The following XKR6 variants were observed in gnomAD, a reference collection of about 807,000 sequenced individuals.
XKR6 encodes XK related 6.
XKR6 carries 22 observed loss-of-function variants against 56.7 expected under a neutral mutation model. That is an observed-to-expected ratio of 0.39 (90% CI 0.28 to 0.55). XKR6 has a LOEUF of 0.55. Among genes scored for constraint, XKR6 ranks in the 20% least tolerant of loss-of-function variants. XKR6 has a pLI of 0.66. For missense variants in XKR6, 852 were observed against 889.0 expected, an observed-to-expected ratio of 0.96 and a Z score of 0.53; for synonymous variants, 524 against 387.8, an observed-to-expected ratio of 1.35 and a Z score of -4.13.
chr8:11,003,970 C>T (rs1434621853), intron 1 of XKR6, among the ~76,000 whole-genome samples: 1 of 152,082 alleles, frequency 6.6e-6, no homozygotes, highest in Non-Finnish European at 1.5e-5. Context: ...GGTGCAAAAG[C>T]AGAGAGTGGC....
intron 1 of XKR6, among the ~76,000 whole-genome samples, chr8:11,114,551 G>T (rs1482323842): frequency 1.3e-5 from 2 of 152,168 alleles, no homozygotes; most frequent in African/African-American, 4.8e-5. Flanking sequence ...AGTAGACACA[G>T]GGTTTCACCA....
chr8:11,188,202 C>G (rs527958450), intron 1 of XKR6, among the ~76,000 whole-genome samples: 2 of 152,272 alleles, frequency 1.3e-5, no homozygotes, highest in African/African-American at 4.8e-5. Flanking sequence ...AGACCCCATC[C>G]AAAACCAGGT....
chr8:10,947,659 T>C (rs922757775), intron 1 of XKR6, among the ~76,000 whole-genome samples: 1 of 152,172 alleles, frequency 6.6e-6, no homozygotes, highest in African/African-American at 2.4e-5. Context: ...GCAAAGGTGA[T>C]CTTTCATTCA....
chr8:10,905,315 C>T (rs532182742), intron 2 of XKR6, among the ~76,000 whole-genome samples: 42 of 152,350 alleles, frequency 2.8e-4, no homozygotes, highest in African/African-American at 1.0e-3. Flanking sequence ...TGCTTCTCCT[C>T]CTGGCTCTGT....
At chr8:11,028,446 A>C (rs1337777537) in intron 1 of XKR6, among the ~76,000 whole-genome samples, 1 of 152,240 alleles carries the variant, frequency 6.6e-6, no homozygotes, top group African/African-American at 2.4e-5. Flanking sequence ...ATAATTTTCA[A>C]TTCCTTTGGG....
chr8:11,098,082 G>C (rs997041618), intron 1 of XKR6, among the ~76,000 whole-genome samples: 1 of 152,116 alleles, frequency 6.6e-6, no homozygotes, highest in Non-Finnish European at 1.5e-5. Context: ...AGCCTTGCTA[G>C]GCTCTGCAGT....
chr8:11,076,607 G>A (rs1333126478), intron 1 of XKR6, among the ~76,000 whole-genome samples: 1 of 152,152 alleles, frequency 6.6e-6, no homozygotes, highest in Non-Finnish European at 1.5e-5. Flanking sequence ...ATAAATTGAT[G>A]CCAATACCTA....
At chr8:11,097,482 TTA>T (rs140831617) in intron 1 of XKR6, among the ~76,000 whole-genome samples, 38,611 of 145,300 alleles carry the variant, frequency 0.27, 5,914 homozygotes, top group Non-Finnish European at 0.36. Flanking sequence ...CTTTTTTTTT[TTA>T]AAAAAAAAAA....
Position 10,984,679 on chromosome 8 carries a change from A to T in XKR6, c.765-59849T>A, listed in dbSNP as rs1256939958. On this transcript the variant is annotated intron_variant, in intron 1 of 2. Coordinates refer to ENST00000416569, the MANE Select transcript of XKR6 (RefSeq NM_173683.4). Reference sequence around the variant, plus strand: ...AACAACATTTTTTAAAAGTAACACAAAAGATAAAATACATGGCTCTCTCTC... The same window carrying T: ...AACAACATTTTTTAAAAGTAACACATAAGATAAAATACATGGCTCTCTCTC... Among the ~76,000 whole-genome samples, 4 of 142,636 alleles carry T rather than the reference A, an allele frequency of 2.8e-5. No individual in the cohort carries two copies. The Admixed American group carries it at 2.8e-4, about 10-fold the overall frequency. The allele number at this position is 142,636 out of a possible 152,430, so 93.6% of individuals were successfully genotyped here. A position where few individuals can be genotyped will look rare whatever the true frequency, so the allele number is the denominator to read the frequency against.
intron 2 of XKR6, among the ~76,000 whole-genome samples, chr8:10,915,647 G>A (rs779399801): frequency 6.6e-6 from 1 of 152,204 alleles, no homozygotes. Flanking sequence ...AAAAATTCTT[G>A]CAAACTCCAT....
intron 1 of XKR6, among the ~76,000 whole-genome samples, chr8:11,190,095 T>C (rs549713025): frequency 7.2e-4 from 108 of 151,042 alleles, no homozygotes; most frequent in African/African-American, 2.6e-3. Context: ...AGGCAGAGGT[T>C]GCAGTGAGCC....
chr8:11,117,563 A>G (rs1035665529), intron 1 of XKR6, among the ~76,000 whole-genome samples: 2 of 152,236 alleles, frequency 1.3e-5, no homozygotes, highest in Non-Finnish European at 2.9e-5. Context: ...CAGAAATGTC[A>G]CATTTAATCT....
At chr8:10,921,933 G>A (rs181695298) in intron 2 of XKR6, among the ~76,000 whole-genome samples, 2 of 152,326 alleles carry the variant, frequency 1.3e-5, no homozygotes, top group East Asian at 3.9e-4. Context: ...CCTTTGAGAG[G>A]TGATCAGGCC....
chr8:11,192,228 G>T (rs1282593254), intron 1 of XKR6, among the ~76,000 whole-genome samples: 1 of 151,898 alleles, frequency 6.6e-6, no homozygotes, highest in Non-Finnish European at 1.5e-5. Flanking sequence ...GCACGATCTG[G>T]GCTCACTGCA....
At chr8:10,974,148 G>A (rs530561372) in intron 1 of XKR6, among the ~76,000 whole-genome samples, 1 of 152,332 alleles carries the variant, frequency 6.6e-6, no homozygotes, top group South Asian at 2.1e-4. Context: ...GGGAGGAAGA[G>A]TAAGTACCCC....
chr8:11,100,558 G>GT (rs1405183615), intron 1 of XKR6, among the ~76,000 whole-genome samples: 1 of 152,226 alleles, frequency 6.6e-6, no homozygotes, highest in African/African-American at 2.4e-5. Context: ...CTGAGCAACT[G>GT]TAAGTGTGCA....
chr8:10,989,519 A>G (rs1233798861), intron 1 of XKR6, among the ~76,000 whole-genome samples: 4 of 152,240 alleles, frequency 2.6e-5, no homozygotes, highest in Admixed American at 1.3e-4. Context: ...AGAAAAGGAT[A>G]AAATGATGGC....
intron 1 of XKR6, among the ~76,000 whole-genome samples, chr8:11,110,388 C>T (rs934767494): frequency 6.6e-6 from 1 of 152,216 alleles, no homozygotes; most frequent in Non-Finnish European, 1.5e-5. Flanking sequence ...GACTATTCAG[C>T]TTCCAAAAGC....
At chr8:11,129,713 T>C (rs548114713) in intron 1 of XKR6, among the ~76,000 whole-genome samples, 5 of 152,336 alleles carry the variant, frequency 3.3e-5, no homozygotes, top group African/African-American at 1.2e-4. Context: ...AATTTAAGGA[T>C]TTTGCATTTG....
Sources: allele counts gnomAD v4.1 joint callset (sites outside exome capture counted in the v4.1 genomes callset), GRCh38; gene constraint gnomAD v4.1.1; transcripts MANE v1.5; gene names NCBI Gene and HGNC (gene_info 2026-07-23, HGNC 2026-07-21).